The following APAF1 variants were observed in gnomAD, a reference collection of about 807,000 sequenced individuals.
APAF1 encodes apoptotic peptidase activating factor 1.
In APAF1, 91 loss-of-function variants were observed where a neutral mutation model predicts 152.4. That is an observed-to-expected ratio of 0.60 (90% CI 0.50 to 0.71). The LOEUF (loss-of-function observed/expected upper bound fraction) is 0.71. APAF1 is among the 30% of genes least tolerant of loss of function. APAF1 has a pLI of 0.00. For synonymous variants in APAF1, 484 were observed against 494.1 expected, an observed-to-expected ratio of 0.98 and a Z score of 0.27; for missense variants, 1,283 against 1,472.0, an observed-to-expected ratio of 0.87 and a Z score of 2.10.
At chr12:98,647,927 C>T (rs1001210516) in intron 1 of APAF1, among the ~76,000 whole-genome samples, 11 of 151,946 alleles carry the variant, frequency 7.2e-5, no homozygotes, top group African/African-American at 2.7e-4. Flanking sequence ...CTCTAGCCTC[C>T]CAATGTGCTG....
At chr12:98,665,900 T>C in intron 8 of APAF1, 109 bp downstream of exon 8, 1 of 1,009,644 alleles carries the variant, frequency 9.9e-7, no homozygotes, top group Non-Finnish European at 1.6e-6. Flanking sequence ...CCCAGGGGAC[T>C]GAGGTGGTGG....
chr12:98,705,909 G>A (rs1469788663), intron 18 of APAF1, among the ~76,000 whole-genome samples: 2 of 152,146 alleles, frequency 1.3e-5, no homozygotes, highest in African/African-American at 2.4e-5. Context: ...GTTTTATAAT[G>A]CGTTATATTC....
rs1170726364 is a variant in APAF1, at chr12:98,671,054, T to A, written c.1576T>A (p.Phe526Ile). The A allele has an allele frequency of 6.2e-7, 1 of 1,611,118 alleles. No homozygotes were observed. Among genetic ancestry groups the A allele is most frequent in the Non-Finnish European group, 8.5e-7 (1 of 1,178,076 alleles). ...AGGCCCTGCTCATCTGATTCATGAATTTGTGGAATACAGACATATACTAGA... is the reference window on the plus strand; with the variant it reads ...AGGCCCTGCTCATCTGATTCATGAAATTGTGGAATACAGACATATACTAGA... ...LVGPAHLIHEFVEYRHILDEK... is the reference protein window; with the variant it reads ...LVGPAHLIHEIVEYRHILDEK... The change falls in exon 11 of 27, where the codon TTT becomes ATT. Residue 526 changes from phenylalanine to isoleucine, a missense_variant. Transcript: ENST00000551964.
intron 7 of APAF1, 63 bp from the exon 8 acceptor site, chr12:98,665,490 T>G (rs1364387932): frequency 9.0e-7 from 1 of 1,115,884 alleles, no homozygotes; most frequent in Non-Finnish European, 1.4e-6. Flanking sequence ...AGTAAGTAAG[T>G]CGATTCTTAT....
intron 25 of APAF1, 83 bp downstream of exon 25, chr12:98,725,623 G>A (rs1593118015): frequency 1.3e-6 from 2 of 1,586,636 alleles, no homozygotes; most frequent in South Asian, 2.2e-5. Context: ...TTGTTCACGG[G>A]CCAGGGAAGC....
chr12:98,656,739 T>C (rs958447092), intron 4 of APAF1, among the ~76,000 whole-genome samples: 2 of 151,664 alleles, frequency 1.3e-5, no homozygotes, highest in Non-Finnish European at 2.9e-5. Flanking sequence ...ACCTTCTCCA[T>C]AACCTTCTTA....
At chr12:98,718,266 T>C (rs2097737319) in intron 22 of APAF1, among the ~76,000 whole-genome samples, 2 of 152,146 alleles carry the variant, frequency 1.3e-5, no homozygotes, top group South Asian at 4.1e-4. Flanking sequence ...ACAGTCTTGC[T>C]CTATTGCCTA....
chr12:98,658,271 T>C (rs559688526), intron 4 of APAF1, among the ~76,000 whole-genome samples: 2 of 152,316 alleles, frequency 1.3e-5, no homozygotes, highest in South Asian at 4.1e-4. Context: ...TAAAAATACA[T>C]ATTTCAAGAT....
chr12:98,734,157 T>G lies in APAF1; in HGVS notation c.*1591T>G, dbSNP rs2097765817. 6.6e-6 allele frequency: 1 copy of G among 152,244 alleles called. No homozygotes were observed. Among genetic ancestry groups the G allele is most frequent in the Non-Finnish European group, 1.5e-5 (1 of 68,048 alleles). The allele number at this position is 152,244 out of a possible 1,614,324, so 9.4% of individuals were successfully genotyped here. The stretch of plus-strand genomic sequence containing the variant: ...CTCTGGTTTTCTGTGTAATTCCAGA[T>G]GAGTCACTGTAACTCTAGAAGATTA... On this transcript the variant is annotated 3_prime_UTR_variant, in exon 27 of 27. Coordinates refer to ENST00000551964, the MANE Select transcript of APAF1 (RefSeq NM_181861.2).
chr12:98,666,038 A>T, intron 8 of APAF1, 152 bp from the exon 9 acceptor site: 1 of 775,142 alleles, frequency 1.3e-6, no homozygotes, highest in Non-Finnish European at 2.2e-6. Context: ...TCTCTTTTCT[A>T]TCTTGAGGAG....
Position 98,680,341 on chromosome 12 carries a change from G to C in APAF1, c.1985G>C (p.Cys662Ser). 2 of 1,613,722 alleles carry C rather than the reference G, an allele frequency of 1.2e-6. No homozygotes were observed. Among genetic ancestry groups the C allele is most frequent in the Non-Finnish European group, 1.7e-6 (2 of 1,179,898 alleles). The change falls in exon 14 of 27, where the codon TGT becomes TCT. Residue 662 changes from cysteine to serine, a missense_variant. Coordinates refer to ENST00000551964, the MANE Select transcript of APAF1 (RefSeq NM_181861.2). ...AAGGCTCATGAGGATGAAGTGCTTT[G>C]TTGTGCATTCTCTACAGATGACAGA... ...EIKAHEDEVL[C>S]CAFSTDDRFI...
intron 5 of APAF1, among the ~76,000 whole-genome samples, chr12:98,660,551 A>T (rs2097663750): frequency 6.6e-6 from 1 of 152,224 alleles, no homozygotes; most frequent in Non-Finnish European, 1.5e-5. Context: ...CACAGTTTTC[A>T]TTAGCCAAAA....
At chr12:98,656,026 G>T (rs1410613156) in intron 4 of APAF1, among the ~76,000 whole-genome samples, 1 of 151,844 alleles carries the variant, frequency 6.6e-6, no homozygotes, top group Non-Finnish European at 1.5e-5. Context: ...CTTGTGATCC[G>T]CCCACCTCGG....
At chr12:98,718,659 G>A (rs915149185) in intron 22 of APAF1, among the ~76,000 whole-genome samples, 2 of 152,126 alleles carry the variant, frequency 1.3e-5, no homozygotes, top group African/African-American at 4.8e-5. Flanking sequence ...GGCCTTACTG[G>A]GCGCAGCGGC....
chr12:98,671,571 T>C lies in APAF1; in HGVS notation c.1645T>C (p.Ser549Pro), dbSNP rs1407835062. The change falls in exon 12 of 27, where the codon TCT (serine) becomes CCT (proline). Residue 549 changes from serine to proline, a missense_variant. By Grantham distance (74) the Ser-to-Pro change is moderately conservative. Coordinates refer to ENST00000551964, the MANE Select transcript of APAF1 (RefSeq NM_181861.2). ...AVSENFQEFL[S>P]LNGHLLGRQP... ...CAGTGAGAATTTTCAGGAGTTTTTA[T>C]CTTTAAATGGACACCTTCTTGGACG... 24 of 1,614,150 alleles carry C rather than the reference T, an allele frequency of 1.5e-5. No homozygotes were observed. Among genetic ancestry groups the C allele is most frequent in the Non-Finnish European group, 2.0e-5 (24 of 1,180,016 alleles).
rs542536618 is a variant in APAF1 at position 98,697,499 on chromosome 12, C to T, written c.2305-1909C>T. On this transcript the variant is annotated intron_variant, in intron 16 of 26. Transcript: ENST00000551964. ...TGTGTCACTTCAAGTCAAACTAAGACTTCTTCAAACTCGGACACTTTTTAA... is the reference window on the plus strand; with the variant it reads ...TGTGTCACTTCAAGTCAAACTAAGATTTCTTCAAACTCGGACACTTTTTAA... Among the ~76,000 whole-genome samples, 3 of 152,300 alleles carry T rather than the reference C, an allele frequency of 2.0e-5. No individual in the cohort carries two copies. In the East Asian group the frequency reaches 5.8e-4, roughly 29 times the overall value.
rs1043157215 is a variant in APAF1, at chr12:98,733,742, T to C, written c.*1176T>C. On this transcript the variant is annotated 3_prime_UTR_variant, in exon 27 of 27. Coordinates refer to ENST00000551964, the MANE Select transcript of APAF1 (RefSeq NM_181861.2). ...AGCCACTGGCCTGGCCTTCAGCAGT[T>C]CTTTTTGTGAAGTAAAACTTGTATG... 2 of 152,266 alleles carry C rather than the reference T, an allele frequency of 1.3e-5. No homozygotes were observed. Among genetic ancestry groups the C allele is most frequent in the Non-Finnish European group, 2.9e-5 (2 of 68,070 alleles). 9.4% of individuals were successfully genotyped at this position (152,266 alleles called of 1,614,324 possible). A position where few individuals can be genotyped will look rare whatever the true frequency, so the allele number is the denominator to read the frequency against.
At chr12:98,682,255 A>T (rs562392155) in intron 14 of APAF1, among the ~76,000 whole-genome samples, 4 of 151,510 alleles carry the variant, frequency 2.6e-5, no homozygotes, top group African/African-American at 7.3e-5. Context: ...GGGTTTCACC[A>T]TGTTAGCCAG....
At chr12:98,655,685 C>A (rs868185472) in intron 4 of APAF1, among the ~76,000 whole-genome samples, 2 of 152,174 alleles carry the variant, frequency 1.3e-5, no homozygotes, top group Non-Finnish European at 2.9e-5. Context: ...ATGATCCTGG[C>A]TCACTGCAGC....
Sources: gnomAD v4.1 joint callset for allele counts (sites outside exome capture counted in the v4.1 genomes callset) on GRCh38, gnomAD v4.1.1 for gene constraint, MANE v1.5 for transcripts, NCBI Gene and HGNC (gene_info 2026-07-23, HGNC 2026-07-21) for gene names.